Variants in FAM53A observed in about 807,000 individuals in gnomAD.
The protein encoded by FAM53A is family with sequence similarity 53 member A, also known as protein FAM53A.
Under a neutral mutation model 26.6 loss-of-function variants are expected in FAM53A, and 28 were observed. The ratio of observed to expected loss-of-function variants is 1.05; its 90% CI spans 0.78 to 1.45. The LOEUF (loss-of-function observed/expected upper bound fraction) is 1.45. FAM53A is among the 40% of genes most tolerant of loss of function. FAM53A has a pLI of 0.00. For missense variants in FAM53A, 650 were observed against 575.8 expected (o/e 1.13, Z -1.32); for synonymous variants, 290 against 253.1 (o/e 1.15, Z -1.38).
chr4:1,613,497 G>A (rs887201684), downstream of FAM53A, among the ~76,000 whole-genome samples: 11 of 152,202 alleles, frequency 7.2e-5, no homozygotes, highest in Admixed American at 5.9e-4. Context: ...ATGTTGGAGG[G>A]ACACAAACAC....
the FAM53A span, among the ~76,000 whole-genome samples, chr4:1,598,124 C>T: frequency 6.6e-6 from 1 of 152,252 alleles, no homozygotes; most frequent in Non-Finnish European, 1.5e-5. Flanking sequence ...CTGCTGCCTA[C>T]GTACCCCCTT....
intron 4 of FAM53A, chr4:1,644,794 C>G (rs1438736584): frequency 6.4e-6 from 1 of 156,544 alleles, no homozygotes; most frequent in Non-Finnish European, 1.4e-5. Flanking sequence ...AGCTGGAGGG[C>G]CTCCAGCACC....
At chr4:1,684,633 G>A (rs1264925840), upstream of FAM53A, among the ~76,000 whole-genome samples, 2 of 151,924 alleles carry the variant, frequency 1.3e-5, no homozygotes, top group African/African-American at 2.4e-5. Flanking sequence ...TGAGGCGGCG[G>A]GGCAGGACGC....
chr4:1,576,092 G>C, the FAM53A span, among the ~76,000 whole-genome samples: 1 of 152,188 alleles, frequency 6.6e-6, no homozygotes, highest in Non-Finnish European at 1.5e-5. Flanking sequence ...GCACTGGTGA[G>C]AGCATGCTAA....
chr4:1,578,682 G>A, the FAM53A span, among the ~76,000 whole-genome samples: 1 of 148,862 alleles, frequency 6.7e-6, no homozygotes, highest in Non-Finnish European at 1.5e-5. Context: ...GCCCTCTGCA[G>A]ACAACGAGGC....
intron 4 of FAM53A, among the ~76,000 whole-genome samples, chr4:1,645,130 G>C (rs80000747): frequency 0.013 from 2,056 of 152,306 alleles, 44 homozygotes; most frequent in African/African-American, 0.047. Flanking sequence ...GCAGTGCCTG[G>C]AGCGCAGCAC....
chr4:1,674,124 T>C (rs982445348), intron 1 of FAM53A, among the ~76,000 whole-genome samples: 2 of 152,122 alleles, frequency 1.3e-5, no homozygotes, highest in Non-Finnish European at 2.9e-5. Context: ...AAAACTGAGG[T>C]ATCAACAGGT....
At chr4:1,575,319 C>G in the FAM53A span, among the ~76,000 whole-genome samples, 1 of 152,240 alleles carries the variant, frequency 6.6e-6, no homozygotes. Flanking sequence ...CCCAACCTTA[C>G]CCCATCCCAC....
chr4:1,685,296 A>C (rs917598682), upstream of FAM53A, among the ~76,000 whole-genome samples: 2 of 151,608 alleles, frequency 1.3e-5, no homozygotes, highest in Non-Finnish European at 2.9e-5. Flanking sequence ...GGCCTGAGGG[A>C]CCCTGCGGTC....
intron 1 of FAM53A, among the ~76,000 whole-genome samples, chr4:1,674,926 G>C (rs1214935861): frequency 6.6e-6 from 1 of 152,192 alleles, no homozygotes; most frequent in Non-Finnish European, 1.5e-5. Flanking sequence ...GGAAGTCTGG[G>C]GAAGGAGCAG....
intron 1 of FAM53A, among the ~76,000 whole-genome samples, chr4:1,676,766 C>G (rs1215648351): frequency 6.6e-6 from 1 of 152,164 alleles, no homozygotes; most frequent in Non-Finnish European, 1.5e-5. Context: ...TCTTTGCCAA[C>G]ACAGCCCCAC....
At chr4:1,604,940 C>T in the FAM53A span, among the ~76,000 whole-genome samples, 4 of 152,140 alleles carry the variant, frequency 2.6e-5, no homozygotes, top group East Asian at 7.7e-4. Context: ...CCCCCTCCTG[C>T]CCCCTCTCAA....
chr4:1,627,115 C>T (rs1386816037), intron 1 of FAM53A, among the ~76,000 whole-genome samples: 4 of 152,186 alleles, frequency 2.6e-5, no homozygotes, highest in East Asian at 1.9e-4. Flanking sequence ...GCCCCCAGGT[C>T]GGCCCCCAGG....
In FAM53A at chr4:1,655,240, A is replaced by C; in HGVS notation, c.620T>G (p.Leu207Arg). 2 of 1,505,042 alleles carry C rather than the reference A, an allele frequency of 1.3e-6. No individual in the cohort carries two copies. Among genetic ancestry groups the C allele is most frequent in the Non-Finnish European group, 1.8e-6 (2 of 1,137,358 alleles). The allele number at this position is 1,505,042 out of a possible 1,614,324, so 93.2% of individuals were successfully genotyped here. ...SSEGSAGSGP[L>R]WCSAESCLPS... ...CAAGCAGGACTCCGCGGAACACCAGAGCGGGCCTGAGCCCGCACTGCCCTC... is the reference window on the plus strand; with the variant it reads ...CAAGCAGGACTCCGCGGAACACCAGCGCGGGCCTGAGCCCGCACTGCCCTC... Residue 207 changes from leucine (L) to arginine (R), a missense_variant, in exon 4 of 5, where the codon CTC (leucine) becomes CGC (arginine). Physicochemically the swap from Leu to Arg is moderately radical, Grantham distance 102. Coordinates refer to ENST00000308132, the MANE Select transcript of FAM53A (RefSeq NM_001174070.3).
chr4:1,597,940 G>A, the FAM53A span, among the ~76,000 whole-genome samples: 1 of 152,368 alleles, frequency 6.6e-6, no homozygotes, highest in South Asian at 2.1e-4. Context: ...AGGTTGCAGT[G>A]AGCTGAGATC....
intron 1 of FAM53A, among the ~76,000 whole-genome samples, chr4:1,678,989 AG>A (rs1715222904): frequency 6.6e-6 from 1 of 152,166 alleles, no homozygotes; most frequent in Admixed American, 6.5e-5. Flanking sequence ...ACAACACTGA[AG>A]GCACGATCCA....
At chr4:1,613,099 AAACAGAG>A (rs1237586362), downstream of FAM53A, among the ~76,000 whole-genome samples, 2 of 152,222 alleles carry the variant, frequency 1.3e-5, no homozygotes, top group Non-Finnish European at 2.9e-5. Context: ...CTACTCGGGA[AAACAGAG>A]AACAGAGAAC....
chr4:1,664,296 A>C (rs1435741279), intron 2 of FAM53A, among the ~76,000 whole-genome samples: 2 of 152,172 alleles, frequency 1.3e-5, no homozygotes, highest in African/African-American at 4.8e-5. Flanking sequence ...CATGGCAGGA[A>C]GGGACTGGGT....
chr4:1,590,794 T>C, the FAM53A span, among the ~76,000 whole-genome samples: 1 of 151,636 alleles, frequency 6.6e-6, no homozygotes, highest in African/African-American at 2.4e-5. Context: ...AATTAATTTA[T>C]TATGCCATTC....
Sources: allele counts gnomAD v4.1 joint callset (sites outside exome capture counted in the v4.1 genomes callset), GRCh38; gene constraint gnomAD v4.1.1; transcripts MANE v1.5; gene names NCBI Gene and HGNC (gene_info 2026-07-23, HGNC 2026-07-21).